Variants in PRP4K observed in about 807,000 individuals in gnomAD.
PRP4K encodes pre-mRNA processing factor kinase PRP4K.
chr6:4,060,313 C>T, the PRP4K span: 1 of 1,053,488 alleles, frequency 9.5e-7, no homozygotes, highest in Non-Finnish European at 1.4e-6. The surrounding 1 kb of genome is among the most constrained non-coding windows in gnomAD (Gnocchi z 4.7). Flanking sequence ...TATGTATATG[C>T]ATGTTTTTAA....
the PRP4K span, among the ~76,000 whole-genome samples, chr6:4,033,511 G>C: frequency 6.6e-6 from 1 of 152,036 alleles, no homozygotes; most frequent in Non-Finnish European, 1.5e-5. Context: ...AAGTATTTGC[G>C]GGGAGGAGTG....
chr6:4,026,250 C>T, the PRP4K span, among the ~76,000 whole-genome samples: 17 of 150,144 alleles, frequency 1.1e-4, no homozygotes, highest in Admixed American at 2.7e-4. Flanking sequence ...GTGATCCACC[C>T]GCCTCAGCCT....
the PRP4K span, among the ~76,000 whole-genome samples, chr6:4,044,865 T>TA: frequency 4.2e-3 from 552 of 131,674 alleles, 2 homozygotes; most frequent in African/African-American, 6.4e-3. Context: ...TTATTATTAT[T>TA]TTTTTTTTTT....
chr6:4,045,792 T>C, the PRP4K span, among the ~76,000 whole-genome samples: 1 of 152,356 alleles, frequency 6.6e-6, no homozygotes, highest in East Asian at 1.9e-4. Context: ...CACAATTCTC[T>C]GTCTTTTAAA....
chr6:4,054,489 C>T, the PRP4K span, among the ~76,000 whole-genome samples: 1 of 151,936 alleles, frequency 6.6e-6, no homozygotes, highest in African/African-American at 2.4e-5. Flanking sequence ...TTTGTGTGGC[C>T]AATTTCATAG....
the PRP4K span, among the ~76,000 whole-genome samples, chr6:4,028,242 G>A: frequency 2.0e-5 from 3 of 152,160 alleles, no homozygotes. Flanking sequence ...CCAGGCTGGA[G>A]TGCAGTGCAT....
chr6:4,055,248 A>C, the PRP4K span, among the ~76,000 whole-genome samples: 2 of 152,194 alleles, frequency 1.3e-5, no homozygotes, highest in Admixed American at 6.5e-5. Context: ...AATGGTTCTT[A>C]AGTTTTCTGT....
the PRP4K span, chr6:4,040,822 G>A: frequency 6.8e-6 from 11 of 1,613,958 alleles, no homozygotes; most frequent in East Asian, 2.2e-5. Context: ...TCTCGATCAC[G>A]CGGTGGTCGT....
At chr6:4,056,606 G>C in the PRP4K span, 1 of 1,588,488 alleles carries the variant, frequency 6.3e-7, no homozygotes, top group South Asian at 1.1e-5. Context: ...AGTTGTGACA[G>C]GAGTCTTGAT....
the PRP4K span, chr6:4,056,519 C>A: frequency 6.2e-7 from 1 of 1,608,206 alleles, no homozygotes; most frequent in South Asian, 1.1e-5. Context: ...TTTTCCATCA[C>A]ACTTCAGCAG....
At chr6:4,031,787 G>A in the PRP4K span, 21 of 1,612,738 alleles carry the variant, frequency 1.3e-5, no homozygotes, top group East Asian at 2.2e-5. Context: ...CTGATAAAGA[G>A]GGTATGTCTC....
the PRP4K span, among the ~76,000 whole-genome samples, chr6:4,023,594 C>T: frequency 6.6e-6 from 1 of 152,122 alleles, no homozygotes; most frequent in Non-Finnish European, 1.5e-5. Flanking sequence ...TGTGACATGT[C>T]TAATTTATTG....
chr6:4,049,359 A>G, the PRP4K span: 1 of 463,706 alleles, frequency 2.2e-6, no homozygotes, highest in Non-Finnish European at 3.8e-6. Context: ...CAGCCATGAG[A>G]TAGTCTTCCA....
chr6:4,052,922 C>G, the PRP4K span: 10 of 1,499,356 alleles, frequency 6.7e-6, no homozygotes, highest in Middle Eastern at 1.7e-4. Context: ...ATACATTTCA[C>G]TTCTTACTAG....
the PRP4K span, chr6:4,048,986 A>G: frequency 3.2e-6 from 5 of 1,548,072 alleles, no homozygotes; most frequent in Non-Finnish European, 4.4e-6. Flanking sequence ...ACAAGTGGGT[A>G]AACTGTTCAT....
the PRP4K span, among the ~76,000 whole-genome samples, chr6:4,039,857 C>G: frequency 6.8e-6 from 1 of 147,756 alleles, no homozygotes; most frequent in Non-Finnish European, 1.5e-5. Flanking sequence ...CCTTCCCCTC[C>G]GATCTTTCTC....
the PRP4K span, chr6:4,049,846 T>C: frequency 6.2e-7 from 1 of 1,614,100 alleles, no homozygotes; most frequent in Non-Finnish European, 8.5e-7. Flanking sequence ...AACCAAGAAG[T>C]GGCTGTAAAG....
the PRP4K span, among the ~76,000 whole-genome samples, chr6:4,036,998 A>G: frequency 6.6e-6 from 1 of 151,976 alleles, no homozygotes; most frequent in East Asian, 1.9e-4. Flanking sequence ...AAAAAAAAAA[A>G]AAAAAAAAAG....
At chr6:4,041,743 C>T in the PRP4K span, among the ~76,000 whole-genome samples, 2 of 152,104 alleles carry the variant, frequency 1.3e-5, no homozygotes, top group Middle Eastern at 3.4e-3. Flanking sequence ...GATAACCCCC[C>T]ACACACACAC....
Sources: allele counts gnomAD v4.1 joint callset (sites outside exome capture counted in the v4.1 genomes callset), GRCh38; gene constraint gnomAD v4.1.1; non-coding constraint Gnocchi (gnomAD v3.1); transcripts MANE v1.5; gene names NCBI Gene and HGNC (gene_info 2026-07-23, HGNC 2026-07-21).